Variants in DUSP13B observed in about 807,000 individuals in gnomAD.
DUSP13B encodes the protein dual specificity phosphatase 13B.
chr10:75,094,778 G>A, the DUSP13B span: 3 of 1,614,120 alleles, frequency 1.9e-6, no homozygotes, highest in Non-Finnish European at 2.5e-6. Flanking sequence ...GCACCGTCTG[G>A]ATGGCCTCTA....
At chr10:75,105,221 A>T in the DUSP13B span, among the ~76,000 whole-genome samples, 1 of 152,104 alleles carries the variant, frequency 6.6e-6, no homozygotes, top group Non-Finnish European at 1.5e-5. Flanking sequence ...GGGGATGTGG[A>T]GGTTCAGGAG....
At chr10:75,104,471 G>A in the DUSP13B span, among the ~76,000 whole-genome samples, 41 of 152,290 alleles carry the variant, frequency 2.7e-4, no homozygotes, top group East Asian at 7.5e-3. Flanking sequence ...AAAGTCAGCT[G>A]CCTGATGGGA....
chr10:75,095,746 C>T, the DUSP13B span: 18 of 1,614,226 alleles, frequency 1.1e-5, no homozygotes, highest in South Asian at 5.5e-5. Flanking sequence ...GCATTCACAA[C>T]GTGGGTGATT....
At chr10:75,097,513 T>C in the DUSP13B span, among the ~76,000 whole-genome samples, 1 of 152,322 alleles carries the variant, frequency 6.6e-6, no homozygotes, top group African/African-American at 2.4e-5. Flanking sequence ...CCCGGCCCTG[T>C]GCACTTTTCT....
the DUSP13B span, chr10:75,094,867 C>T: frequency 6.2e-7 from 1 of 1,614,076 alleles, no homozygotes; most frequent in Non-Finnish European, 8.5e-7. Context: ...GCACAGTGTA[C>T]CAGCACGCGG....
chr10:75,100,184 C>G, the DUSP13B span, among the ~76,000 whole-genome samples: 1 of 152,162 alleles, frequency 6.6e-6, no homozygotes, highest in Non-Finnish European at 1.5e-5. Flanking sequence ...GGCTCCACCC[C>G]CAGGAGGCTC....
the DUSP13B span, chr10:75,097,639 G>A: frequency 7.1e-7 from 1 of 1,406,886 alleles, no homozygotes; most frequent in South Asian, 1.6e-5. Context: ...CTCTGAGAGA[G>A]GCTCATGCCC....
the DUSP13B span, among the ~76,000 whole-genome samples, chr10:75,103,458 G>A: frequency 2.0e-5 from 3 of 152,154 alleles, no homozygotes; most frequent in African/African-American, 7.2e-5. Context: ...CCAAAAGGCA[G>A]GGACACCCAG....
chr10:75,102,315 T>A, the DUSP13B span, among the ~76,000 whole-genome samples: 1 of 152,102 alleles, frequency 6.6e-6, no homozygotes, highest in Non-Finnish European at 1.5e-5. Flanking sequence ...TGGTGGTGGA[T>A]GCCTGTAGTC....
the DUSP13B span, chr10:75,095,524 A>G: frequency 4.0e-6 from 6 of 1,516,766 alleles, 1 homozygote; most frequent in South Asian, 6.8e-5. Flanking sequence ...AATAATGGAG[A>G]GTCCTAAAGC....
chr10:75,108,888 G>A, the DUSP13B span: 22 of 1,326,540 alleles, frequency 1.7e-5, no homozygotes, highest in African/African-American at 3.2e-4. Flanking sequence ...AAGGTCCCTG[G>A]CCTGGGATGG....
chr10:75,095,597 T>C, the DUSP13B span: 2 of 1,614,104 alleles, frequency 1.2e-6, no homozygotes, highest in Non-Finnish European at 1.7e-6. Flanking sequence ...TGAGGGCAGC[T>C]CGGATGTATC....
chr10:75,102,772 G>C, the DUSP13B span, among the ~76,000 whole-genome samples: 1 of 152,132 alleles, frequency 6.6e-6, no homozygotes, highest in Non-Finnish European at 1.5e-5. Flanking sequence ...GACTAACATG[G>C]AGAAAACCTG....
chr10:75,102,360 G>A, the DUSP13B span, among the ~76,000 whole-genome samples: 12 of 151,834 alleles, frequency 7.9e-5, no homozygotes, highest in Non-Finnish European at 2.9e-5. Context: ...GGAGAATGGC[G>A]TGAACCCGGG....
the DUSP13B span, among the ~76,000 whole-genome samples, chr10:75,107,423 T>C: frequency 6.6e-6 from 1 of 151,498 alleles, no homozygotes; most frequent in South Asian, 2.1e-4. Context: ...CAAAGTTGAG[T>C]GTTGCAGAGA....
chr10:75,107,047 C>T, the DUSP13B span, among the ~76,000 whole-genome samples: 15 of 152,176 alleles, frequency 9.9e-5, no homozygotes, highest in Non-Finnish European at 2.9e-5. Context: ...GTTAAAAGTA[C>T]TTTGGGGGCC....
the DUSP13B span, among the ~76,000 whole-genome samples, chr10:75,095,080 G>A: frequency 1.3e-5 from 2 of 152,202 alleles, no homozygotes; most frequent in African/African-American, 4.8e-5. Context: ...TAGGTTAGCA[G>A]CCGGGATTTC....
the DUSP13B span, among the ~76,000 whole-genome samples, chr10:75,108,664 G>A: frequency 6.6e-6 from 1 of 152,196 alleles, no homozygotes; most frequent in Non-Finnish European, 1.5e-5. Flanking sequence ...AGAGGAGGGA[G>A]GCTGGGCCCA....
chr10:75,095,598 C>T, the DUSP13B span: 36 of 1,613,972 alleles, frequency 2.2e-5, no homozygotes, highest in Non-Finnish European at 2.5e-5. Context: ...GAGGGCAGCT[C>T]GGATGTATCG....
Sources: gnomAD v4.1 joint callset for allele counts (sites outside exome capture counted in the v4.1 genomes callset) on GRCh38, gnomAD v4.1.1 for gene constraint, MANE v1.5 for transcripts, NCBI Gene and HGNC (gene_info 2026-07-23, HGNC 2026-07-21) for gene names.